Variants in GALNTL6 observed in about 807,000 individuals in gnomAD.
GALNTL6 encodes polypeptide N-acetylgalactosaminyltransferase like 6, also known as polypeptide N-acetylgalactosaminyltransferase-like 6.
In GALNTL6, 46 loss-of-function variants were observed where a neutral mutation model predicts 73.7. The ratio of observed to expected loss-of-function variants is 0.62; its 90% CI spans 0.49 to 0.80. GALNTL6 has a LOEUF of 0.80. Among genes scored for constraint, GALNTL6 ranks in the 30% least tolerant of loss-of-function variants. GALNTL6 has a pLI of 0.00. For synonymous variants in GALNTL6, 259 were observed against 263.7 expected (o/e 0.98, Z 0.17); for missense variants, 604 against 755.0 (o/e 0.80, Z 2.34).
intron 2 of GALNTL6, among the ~76,000 whole-genome samples, chr4:171,897,094 G>T: frequency 6.6e-6 from 1 of 151,778 alleles, no homozygotes; most frequent in Non-Finnish European, 1.5e-5. Context: ...ATCAGAAAAA[G>T]AATAGAAAAT....
chr4:172,022,794 A>G (rs1219735282), intron 2 of GALNTL6, among the ~76,000 whole-genome samples: 1 of 152,010 alleles, frequency 6.6e-6, no homozygotes, highest in Admixed American at 6.6e-5. Context: ...TGCAAAATTC[A>G]GACAACCTGA....
intron 3 of GALNTL6, among the ~76,000 whole-genome samples, chr4:172,298,927 G>A (rs1739794055): frequency 6.6e-6 from 1 of 152,166 alleles, no homozygotes; most frequent in Admixed American, 6.5e-5. Flanking sequence ...GATTGAAATA[G>A]TTTCAGAAGG....
chr4:172,086,245 A>C (rs1407794441), intron 2 of GALNTL6, among the ~76,000 whole-genome samples: 1 of 152,120 alleles, frequency 6.6e-6, no homozygotes, highest in African/African-American at 2.4e-5. Context: ...TTTTTAAATG[A>C]GTAATATAAT....
At chr4:172,849,541 A>G (rs989774620) in intron 7 of GALNTL6, among the ~76,000 whole-genome samples, 20 of 152,286 alleles carry the variant, frequency 1.3e-4, no homozygotes, top group African/African-American at 4.6e-4. Flanking sequence ...AATGAATGGC[A>G]TCCATTTACC....
At chr4:172,463,328 G>A (rs1732682436) in intron 5 of GALNTL6, among the ~76,000 whole-genome samples, 1 of 149,826 alleles carries the variant, frequency 6.7e-6, no homozygotes, top group South Asian at 2.1e-4. Context: ...CTCAGAAAAT[G>A]AGAGACAGAA....
chr4:172,766,455 C>A (rs1421221626), intron 5 of GALNTL6, among the ~76,000 whole-genome samples: 1 of 152,024 alleles, frequency 6.6e-6, no homozygotes, highest in Non-Finnish European at 1.5e-5. Flanking sequence ...AAGTGTGGCT[C>A]TCTGTGGATG....
intron 2 of GALNTL6, among the ~76,000 whole-genome samples, chr4:171,898,189 T>G (rs1322495299): frequency 6.6e-6 from 1 of 152,042 alleles, no homozygotes; most frequent in Non-Finnish European, 1.5e-5. Context: ...CCCATATTAA[T>G]TATTAAAAAT....
At chr4:171,973,372 G>C (rs1385938745) in intron 2 of GALNTL6, among the ~76,000 whole-genome samples, 2 of 152,138 alleles carry the variant, frequency 1.3e-5, no homozygotes, top group Admixed American at 1.3e-4. Context: ...ACATTAAAAT[G>C]ATGGTAGGAC....
chr4:172,650,094 AT>A (rs1256181892), intron 5 of GALNTL6, among the ~76,000 whole-genome samples: 1 of 152,120 alleles, frequency 6.6e-6, no homozygotes, highest in Non-Finnish European at 1.5e-5. Flanking sequence ...CAAACAAACG[AT>A]TTTCATGGTA....
intron 5 of GALNTL6, among the ~76,000 whole-genome samples, chr4:172,414,417 C>T (rs1353246006): frequency 6.6e-6 from 1 of 151,964 alleles, no homozygotes; most frequent in Admixed American, 6.6e-5. Flanking sequence ...ATCTCTAAAC[C>T]CAATATGTTC....
chr4:172,335,678 T>G (rs950287360), intron 4 of GALNTL6, among the ~76,000 whole-genome samples: 2 of 152,180 alleles, frequency 1.3e-5, no homozygotes, highest in Admixed American at 1.3e-4. Flanking sequence ...TCTGGGGAGC[T>G]TGTATGTTTC....
At chr4:172,600,806 A>C (rs936232887) in intron 5 of GALNTL6, among the ~76,000 whole-genome samples, 1 of 152,178 alleles carries the variant, frequency 6.6e-6, no homozygotes, top group Non-Finnish European at 1.5e-5. Flanking sequence ...GGAAAGGTCA[A>C]GATGATCCTA....
chr4:172,682,549 A>T (rs1389429518), intron 5 of GALNTL6, among the ~76,000 whole-genome samples: 1 of 152,220 alleles, frequency 6.6e-6, no homozygotes, highest in Non-Finnish European at 1.5e-5. Context: ...TGTGAATTTC[A>T]GATAAAAAAC....
intron 5 of GALNTL6, among the ~76,000 whole-genome samples, chr4:172,728,780 A>AGGTTTTTG (rs1252547788): frequency 6.6e-6 from 1 of 152,210 alleles, no homozygotes; most frequent in East Asian, 1.9e-4. Flanking sequence ...TTCTACTTGT[A>AGGTTTTTG]GGTTTTTGAG....
intron 2 of GALNTL6, among the ~76,000 whole-genome samples, chr4:171,929,696 C>T (rs1279705245): frequency 6.6e-6 from 1 of 152,198 alleles, no homozygotes; most frequent in Non-Finnish European, 1.5e-5. Flanking sequence ...CTGCCCAGCC[C>T]CATGCCCTGG....
chr4:172,968,828 A>G (rs986123273), intron 10 of GALNTL6, among the ~76,000 whole-genome samples: 1 of 152,188 alleles, frequency 6.6e-6, no homozygotes, highest in Non-Finnish European at 1.5e-5. Context: ...AGCCCTACAC[A>G]AGAATCTTCC....
At position 172,554,751 on chromosome 4, in the gene GALNTL6, C is replaced by T. The variant is rs138534569; in HGVS notation, c.553+206062C>T. 4.7e-3 allele frequency among the ~76,000 whole-genome samples: 713 copies of T among 152,222 alleles called. 1 individual carries two copies. Among genetic ancestry groups the T allele is most frequent in the Admixed American group, 7.3e-3 (112 of 15,278 alleles). The stretch of plus-strand genomic sequence containing the variant: ...TCACTGGGTGCAGCTGTAATGCCTC[C>T]GTTCTCATTGCCCTCATACAAATCC... On this transcript the variant is annotated intron_variant, in intron 5 of 12. Coordinates refer to ENST00000506823, the MANE Select transcript of GALNTL6 (RefSeq NM_001034845.3).
At chr4:171,883,000 G>C (rs1736497450) in intron 2 of GALNTL6, among the ~76,000 whole-genome samples, 1 of 152,136 alleles carries the variant, frequency 6.6e-6, no homozygotes, top group Non-Finnish European at 1.5e-5. Flanking sequence ...GTCCATCTTA[G>C]AGGCTGATTT....
rs540147986 is a variant in GALNTL6, at chr4:172,467,917, C to T, written c.553+119228C>T. 1.5e-4 allele frequency among the ~76,000 whole-genome samples: 20 copies of T among 131,350 alleles called. No homozygotes were observed. The South Asian group carries it at 2.1e-3, about 14-fold the overall frequency. The allele number at this position is 131,350 out of a possible 152,430, so 86.2% of individuals were successfully genotyped here. A position where few individuals can be genotyped will look rare whatever the true frequency, so the allele number is the denominator to read the frequency against. On this transcript the variant is annotated intron_variant, in intron 5 of 12. Coordinates refer to ENST00000506823, the MANE Select transcript of GALNTL6 (RefSeq NM_001034845.3). ...CTTTTTTTTTTTTTTTTACTTGAGG[C>T]AGGATCTTGCTCTGCCACCCAGGCT...
Sources: allele counts gnomAD v4.1 joint callset (sites outside exome capture counted in the v4.1 genomes callset), GRCh38; gene constraint gnomAD v4.1.1; transcripts MANE v1.5; gene names NCBI Gene and HGNC (gene_info 2026-07-23, HGNC 2026-07-21).